The following FAM171A1 variants were observed in gnomAD, a reference collection of about 807,000 sequenced individuals.
The protein encoded by FAM171A1 is family with sequence similarity 171 member A1, also known as protein FAM171A1.
Under a neutral mutation model 74.9 loss-of-function variants are expected in FAM171A1, and 23 were observed. That is an observed-to-expected ratio of 0.31 (90% CI 0.22 to 0.44). The LOEUF (loss-of-function observed/expected upper bound fraction) is 0.44. FAM171A1 is among the 20% of genes least tolerant of loss of function. The pLI, the probability that FAM171A1 is intolerant of heterozygous loss-of-function variation, is 1.00. For missense variants in FAM171A1, 1,162 were observed against 1,159.2 expected (o/e 1.00, Z -0.03); for synonymous variants, 527 against 505.7 (o/e 1.04, Z -0.57).
intron 1 of FAM171A1, among the ~76,000 whole-genome samples, chr10:15,331,384 A>G (rs1245172808): frequency 6.6e-6 from 1 of 152,014 alleles, no homozygotes; most frequent in African/African-American, 2.4e-5. Flanking sequence ...TTCTAACTGA[A>G]TTTCAAAAGA....
At chr10:15,295,769 C>A (rs928316796) in intron 1 of FAM171A1, among the ~76,000 whole-genome samples, 1 of 152,200 alleles carries the variant, frequency 6.6e-6, no homozygotes, top group Non-Finnish European at 1.5e-5. Context: ...CAAATGCTCT[C>A]ACCCCAAGTA....
At chr10:15,366,416 G>C (rs7912633) in intron 1 of FAM171A1, among the ~76,000 whole-genome samples, 34 of 152,190 alleles carry the variant, frequency 2.2e-4, no homozygotes, top group African/African-American at 7.2e-4. Context: ...CACTGTGCCT[G>C]GCCTGAAACT....
At position 15,254,830 on chromosome 10, in the gene FAM171A1, C is replaced by T; in HGVS notation, c.468G>A (p.Leu156=). The T allele has an allele frequency of 6.2e-7, 1 of 1,614,200 alleles. No individual in the cohort carries two copies. ...RVHFQRRALR[L]PENTSYSDLT... ...GGTCACTGTAGCTGGTGTTCTCAGG[C>T]AACCTCAGAGCCCTTCTCTGGAAAT... is the stretch of plus-strand genomic sequence containing the variant. The change falls in exon 4 of 8, where the codon TTG becomes TTA. Residue 156 remains leucine (L), a synonymous_variant. Coordinates refer to ENST00000378116, the MANE Select transcript of FAM171A1 (RefSeq NM_001010924.2).
chr10:15,245,775 G>C (rs1208272654), intron 5 of FAM171A1, among the ~76,000 whole-genome samples: 1 of 152,214 alleles, frequency 6.6e-6, no homozygotes, highest in African/African-American at 2.4e-5. Context: ...AGGGCTACAG[G>C]GGACAGGCAG....
chr10:15,260,553 T>G (rs1384380564), intron 3 of FAM171A1, among the ~76,000 whole-genome samples: 1 of 152,204 alleles, frequency 6.6e-6, no homozygotes, highest in Admixed American at 6.5e-5. Flanking sequence ...TCCCATTTCC[T>G]CTTCCCATTA....
chr10:15,263,848 CATCTATCTATCT>C (rs56341083), intron 3 of FAM171A1, among the ~76,000 whole-genome samples: 36,336 of 143,608 alleles, frequency 0.25, 4,526 homozygotes, highest in Admixed American at 0.28. Flanking sequence ...ACATTTATCT[CATCTATCTATCT>C]ATCTATCTAT....
chr10:15,288,230 A>G (rs774112537), intron 1 of FAM171A1, among the ~76,000 whole-genome samples: 5 of 152,226 alleles, frequency 3.3e-5, no homozygotes, highest in African/African-American at 7.2e-5. Flanking sequence ...AAACATGCAT[A>G]TGCAAGCATC....
chr10:15,311,231 G>T (rs1392325641), intron 1 of FAM171A1, among the ~76,000 whole-genome samples: 1 of 152,150 alleles, frequency 6.6e-6, no homozygotes, highest in East Asian at 1.9e-4. Context: ...GCAGAGACTG[G>T]GCAGGCTTCT....
chr10:15,339,192 A>T (rs1835736050), intron 1 of FAM171A1, among the ~76,000 whole-genome samples: 1 of 152,276 alleles, frequency 6.6e-6, no homozygotes, highest in South Asian at 2.1e-4. Context: ...CTGCAGAGAC[A>T]ACACTGAGAA....
At chr10:15,300,287 G>C (rs1835212224) in intron 1 of FAM171A1, among the ~76,000 whole-genome samples, 1 of 152,204 alleles carries the variant, frequency 6.6e-6, no homozygotes, top group Non-Finnish European at 1.5e-5. Context: ...AGTGGGCACA[G>C]AATGCACATT....
At position 15,212,983 on chromosome 10, in the gene FAM171A1, C is replaced by T; in HGVS notation, c.2605G>A (p.Gly869Arg). ...TGCCAGGGGCTTTTCTTGTCTTCTC[C>T]TTGGTCATCATCATCATCGTCTTCC... ...EEEDDDDDDQ[G>R]EDKKSPWQKR... Residue 869 changes from glycine (G) to arginine (R), a missense_variant, in exon 8 of 8, where the codon GGA becomes AGA. Gly to Arg is a moderately radical substitution (Grantham distance 125). Coordinates refer to ENST00000378116, the MANE Select transcript of FAM171A1 (RefSeq NM_001010924.2). 6.2e-7 allele frequency: 1 copy of T among 1,614,052 alleles called. No homozygotes were observed. Among genetic ancestry groups the T allele is most frequent in the South Asian group, 1.1e-5 (1 of 91,076 alleles).
At chr10:15,315,422 GCCT>G (rs1835411409) in intron 1 of FAM171A1, among the ~76,000 whole-genome samples, 1 of 152,206 alleles carries the variant, frequency 6.6e-6, no homozygotes, top group Non-Finnish European at 1.5e-5. Context: ...CCCGTGGCTA[GCCT>G]TTCACGGTGT....
chr10:15,232,716 C>G (rs1834223409), intron 5 of FAM171A1, among the ~76,000 whole-genome samples: 1 of 152,214 alleles, frequency 6.6e-6, no homozygotes, highest in Non-Finnish European at 1.5e-5. Context: ...TCATTCTATT[C>G]AGCCACATTA....
intron 5 of FAM171A1, among the ~76,000 whole-genome samples, chr10:15,245,232 A>AT (rs1015551091): frequency 2.6e-4 from 40 of 151,972 alleles, no homozygotes; most frequent in African/African-American, 6.0e-4. Flanking sequence ...CGCCCAGCTA[A>AT]TTTTTTGTAT....
At chr10:15,288,225 T>C (rs1398159449) in intron 1 of FAM171A1, among the ~76,000 whole-genome samples, 3 of 152,224 alleles carry the variant, frequency 2.0e-5, no homozygotes, top group Admixed American at 6.5e-5. Flanking sequence ...GCTATAAACA[T>C]GCATATGCAA....
intron 1 of FAM171A1, among the ~76,000 whole-genome samples, chr10:15,339,524 T>C (rs550953866): frequency 3.9e-5 from 6 of 152,284 alleles, no homozygotes; most frequent in Admixed American, 1.3e-4. Flanking sequence ...TGTTTATGAT[T>C]TGACATCATG....
intron 3 of FAM171A1, among the ~76,000 whole-genome samples, chr10:15,264,336 T>C (rs1834709017): frequency 6.6e-6 from 1 of 152,076 alleles, no homozygotes; most frequent in Admixed American, 6.5e-5. Context: ...ATTACTTTCC[T>C]CACTTTTAAA....
intron 3 of FAM171A1, among the ~76,000 whole-genome samples, chr10:15,273,380 T>C (rs1360130874): frequency 2.6e-5 from 4 of 152,168 alleles, no homozygotes; most frequent in African/African-American, 4.8e-5. Context: ...TAACAGGCTC[T>C]GAAACTGAGG....
intron 1 of FAM171A1, among the ~76,000 whole-genome samples, chr10:15,306,513 C>A (rs564518864): frequency 6.6e-6 from 1 of 152,152 alleles, no homozygotes; most frequent in South Asian, 2.1e-4. Context: ...TACAGGCATG[C>A]CCCACCATGC....
Sources: allele counts gnomAD v4.1 joint callset (sites outside exome capture counted in the v4.1 genomes callset), GRCh38; gene constraint gnomAD v4.1.1; transcripts MANE v1.5; gene names NCBI Gene and HGNC (gene_info 2026-07-23, HGNC 2026-07-21).